Variants in NCKAP5 observed in about 807,000 individuals in gnomAD.
The protein encoded by NCKAP5 is nck-associated protein 5.
Under a neutral mutation model 167.0 loss-of-function variants are expected in NCKAP5, and 92 were observed. That is an observed-to-expected ratio of 0.55 (90% CI 0.47 to 0.66). NCKAP5 has a LOEUF of 0.66. Ranked by LOEUF, NCKAP5 falls within the 30% of genes least tolerant of loss-of-function variation. The probability of loss-of-function intolerance (pLI) is 0.00; values close to 1 mark genes in which losing one functional copy is unlikely to be tolerated. For synonymous variants in NCKAP5, 891 were observed against 877.4 expected (o/e 1.02, Z -0.27); for missense variants, 2,378 against 2,315.0 (o/e 1.03, Z -0.56).
At chr2:132,709,213 T>G (rs116096915) in intron 19 of NCKAP5, among the ~76,000 whole-genome samples, 4,489 of 151,886 alleles carry the variant, frequency 0.03, 212 homozygotes, top group African/African-American at 0.1. Context: ...CAAAAATTCT[T>G]GAGCCCCAAA....
intron 3 of NCKAP5, among the ~76,000 whole-genome samples, chr2:133,428,960 T>C (rs1257547649): frequency 6.6e-6 from 1 of 152,180 alleles, no homozygotes; most frequent in Non-Finnish European, 1.5e-5. Flanking sequence ...AGAAATTAAT[T>C]TGGCAATATT....
chr2:133,188,282 G>A lies in NCKAP5; in HGVS notation c.207+25434C>T, dbSNP rs181638452. ...ATACAAGAGCACCCAGATTCATAAA[G>A]CAAGTCCTTAGAGACCTACAAAGAG... On this transcript the variant is annotated intron_variant, in intron 5 of 19. Coordinates refer to ENST00000409261, the MANE Select transcript of NCKAP5 (RefSeq NM_207363.3). Among the ~76,000 whole-genome samples the A allele has an allele frequency of 5.9e-5, 9 of 152,136 alleles. No individual in the cohort carries two copies. The East Asian group carries it at 1.7e-3, about 29-fold the overall frequency.
intron 6 of NCKAP5, among the ~76,000 whole-genome samples, chr2:133,071,704 C>T (rs2149555162): frequency 6.6e-6 from 1 of 152,220 alleles, no homozygotes; most frequent in South Asian, 2.1e-4. Context: ...AAGCCTCTTT[C>T]CAACAATCTT....
At chr2:132,768,045 G>T (rs57643329) in intron 16 of NCKAP5, among the ~76,000 whole-genome samples, 1 of 152,130 alleles carries the variant, frequency 6.6e-6, no homozygotes, top group Non-Finnish European at 1.5e-5. Context: ...CCCAGACAAT[G>T]GGGGAGGGTA....
At chr2:133,616,104 G>T in the NCKAP5 span, among the ~76,000 whole-genome samples, 19 of 151,778 alleles carry the variant, frequency 1.3e-4, 1 homozygote, top group African/African-American at 4.6e-4. Context: ...TGAAACCAAC[G>T]AGAACAAAGA....
intron 1 of NCKAP5, among the ~76,000 whole-genome samples, chr2:133,563,403 T>C (rs967837261): frequency 6.6e-6 from 1 of 151,836 alleles, no homozygotes; most frequent in African/African-American, 2.4e-5. Flanking sequence ...ACCCTGTCTC[T>C]ACTAAAAATA....
chr2:133,512,587 A>G (rs1295860232), intron 3 of NCKAP5, among the ~76,000 whole-genome samples: 1 of 152,206 alleles, frequency 6.6e-6, no homozygotes, highest in African/African-American at 2.4e-5. Flanking sequence ...AATATTTACT[A>G]TCTGGAACTT....
rs1357712698 is a variant in NCKAP5, at chr2:133,020,391, C to A, written c.342-26152G>T. Reference sequence around the variant, plus strand: ...CCACTTAGTCCAGATAAGGGATGAGCAGGACCCAGACTAGGGCAGAAAACA... The same window carrying A: ...CCACTTAGTCCAGATAAGGGATGAGAAGGACCCAGACTAGGGCAGAAAACA... On this transcript the variant is annotated intron_variant, in intron 6 of 19. Coordinates refer to ENST00000409261, the MANE Select transcript of NCKAP5 (RefSeq NM_207363.3). Among the ~76,000 whole-genome samples the A allele has an allele frequency of 2.0e-5, 3 of 152,290 alleles. No homozygotes were observed. The South Asian group carries it at 6.2e-4, about 32-fold the overall frequency.
rs1009783850 is a variant in NCKAP5 at position 132,830,088 on chromosome 2, T to C, written c.807+30404A>G. Among the ~76,000 whole-genome samples, 6 of 152,162 alleles carry C rather than the reference T, an allele frequency of 3.9e-5. 1 individual carries two copies. Among genetic ancestry groups the C allele is most frequent in the Admixed American group, 3.9e-4 (6 of 15,280 alleles). On this transcript the variant is annotated intron_variant, in intron 11 of 19. Coordinates refer to ENST00000409261, the MANE Select transcript of NCKAP5 (RefSeq NM_207363.3). ...TTACACAAACTTATTCTGGGTCCCATCTACCAACCGAAGCAGAGGAACATT... is the reference window on the plus strand; with the variant it reads ...TTACACAAACTTATTCTGGGTCCCACCTACCAACCGAAGCAGAGGAACATT...
At chr2:133,268,223 C>T (rs1252711164) in intron 4 of NCKAP5, 4 of 152,172 alleles carry the variant, frequency 2.6e-5, no homozygotes, top group Non-Finnish European at 5.9e-5. Context: ...TGTGTGCAAG[C>T]CACATTAAGC....
intron 5 of NCKAP5, among the ~76,000 whole-genome samples, chr2:133,163,298 G>C (rs569931591): frequency 1.1e-4 from 16 of 152,252 alleles, no homozygotes; most frequent in African/African-American, 3.1e-4. Flanking sequence ...GCTTTAACTT[G>C]ATTGCCTCTA....
chr2:132,790,115 T>A lies in NCKAP5; in HGVS notation c.1000A>T (p.Ser334Cys), dbSNP rs1162502392. The A allele has an allele frequency of 1.2e-6, 2 of 1,613,670 alleles. No individual in the cohort carries two copies. Among genetic ancestry groups the A allele is most frequent in the Non-Finnish European group, 1.7e-6 (2 of 1,179,768 alleles). Reference sequence around the variant, plus strand: ...CTTGAAAGAGACAGTTCACTGCTGCTACTGTAGCTGTTTCGAGGACAGAGA... The same window carrying A: ...CTTGAAAGAGACAGTTCACTGCTGCAACTGTAGCTGTTTCGAGGACAGAGA... ...GHLCPRNSYS[S>C]SSELSLSSTC... is the part of the protein sequence containing the mutation. Residue 334 changes from serine to cysteine, a missense_variant, in exon 13 of 20, where the codon AGC becomes TGC. By Grantham distance (112) the Ser-to-Cys change is moderately radical. Coordinates refer to ENST00000409261, the MANE Select transcript of NCKAP5 (RefSeq NM_207363.3).
intron 6 of NCKAP5, among the ~76,000 whole-genome samples, chr2:133,043,867 T>G (rs1341664665): frequency 9.5e-6 from 1 of 105,224 alleles, no homozygotes; most frequent in East Asian, 5.2e-4. Context: ...TCTGTAATAG[T>G]TTTTTTTTTT....
Position 133,181,603 on chromosome 2 carries a change from C to CAAA in NCKAP5, c.207+32110_207+32112dup, listed in dbSNP as rs34264277. Among the ~76,000 whole-genome samples, 436 of 69,590 alleles carry CAAA rather than the reference C, an allele frequency of 6.3e-3. 10 individuals carry two copies. The highest frequency in any genetic ancestry group is 0.02 in the East Asian group (47 of 2,300). 45.7% of individuals were successfully genotyped at this position (69,590 alleles called of 152,430 possible). On this transcript the variant is annotated intron_variant, in intron 5 of 19. Transcript: ENST00000409261. ...GCAACATGGTAAATCCCCATCTCTA[C>CAAA]AAAAAAAAAAAAAAAAAAAAAAAAA... is the stretch of plus-strand genomic sequence containing the variant.
chr2:133,064,739 ACTGTGATT>A (rs2080129835), intron 6 of NCKAP5, among the ~76,000 whole-genome samples: 1 of 152,210 alleles, frequency 6.6e-6, no homozygotes, highest in Admixed American at 6.5e-5. Flanking sequence ...AAAGGCAGTG[ACTGTGATT>A]CTAATCCAAA....
intron 19 of NCKAP5, among the ~76,000 whole-genome samples, chr2:132,675,209 AT>A: frequency 6.6e-6 from 1 of 152,324 alleles, no homozygotes; most frequent in South Asian, 2.1e-4. Flanking sequence ...GCTGAATAAA[AT>A]TGTGTCCTGC....
At chr2:132,700,602 T>G (rs1364678869) in intron 19 of NCKAP5, among the ~76,000 whole-genome samples, 4 of 152,194 alleles carry the variant, frequency 2.6e-5, no homozygotes, top group Non-Finnish European at 4.4e-5. Context: ...CATTTCTTGT[T>G]TTTGTCAGGT....
At chr2:132,893,647 C>G (rs1258193932) in intron 8 of NCKAP5, among the ~76,000 whole-genome samples, 1 of 151,962 alleles carries the variant, frequency 6.6e-6, no homozygotes, top group East Asian at 1.9e-4. Context: ...AGGAGGTAAA[C>G]CATATTCTTT....
intron 3 of NCKAP5, among the ~76,000 whole-genome samples, chr2:133,503,652 A>C (rs887994686): frequency 6.6e-6 from 1 of 152,146 alleles, no homozygotes; most frequent in African/African-American, 2.4e-5. Flanking sequence ...ACTACACCCA[A>C]TTTTCCAATT....
Sources: allele counts gnomAD v4.1 joint callset (sites outside exome capture counted in the v4.1 genomes callset), GRCh38; gene constraint gnomAD v4.1.1; transcripts MANE v1.5; gene names NCBI Gene and HGNC (gene_info 2026-07-23, HGNC 2026-07-21).